Variants in HSPA4L observed in about 807,000 individuals in gnomAD.
HSPA4L encodes the protein heat shock 70 kDa protein 4L.
Under a neutral mutation model 100.3 loss-of-function variants are expected in HSPA4L, and 48 were observed. The observed-to-expected ratio is 0.48, with a 90% CI of 0.38 to 0.61. The LOEUF (loss-of-function observed/expected upper bound fraction) is 0.61. Among genes scored for constraint, HSPA4L ranks in the 20% least tolerant of loss-of-function variants. The probability of loss-of-function intolerance (pLI) is 0.00; values close to 1 mark genes in which losing one functional copy is unlikely to be tolerated. For missense variants in HSPA4L, 886 were observed against 988.6 expected (o/e 0.90, Z 1.39); for synonymous variants, 319 against 328.2 (o/e 0.97, Z 0.30).
At chr4:127,816,578 C>A in intron 12 of HSPA4L, among the ~76,000 whole-genome samples, 1 of 151,972 alleles carries the variant, frequency 6.6e-6, no homozygotes. Context: ...GGAAGGAATA[C>A]GAGTCCTGGT....
intron 9 of HSPA4L, 37 bp downstream of exon 9, chr4:127,805,261 T>A (rs1733319695): frequency 6.5e-7 from 1 of 1,530,548 alleles, no homozygotes; most frequent in South Asian, 1.2e-5. Flanking sequence ...ATATGTATTT[T>A]GCCAGAAATG....
intron 17 of HSPA4L, 49 bp downstream of exon 17, chr4:127,827,473 A>G (rs1733976941): frequency 6.2e-7 from 1 of 1,603,130 alleles, no homozygotes; most frequent in Non-Finnish European, 8.5e-7. Context: ...TGCATGGTAC[A>G]TAGAATGGGG....
chr4:127,796,275 A>G (rs1459544591), intron 3 of HSPA4L, among the ~76,000 whole-genome samples: 1 of 152,172 alleles, frequency 6.6e-6, no homozygotes, highest in East Asian at 1.9e-4. Context: ...TCTAATTTAG[A>G]AGAATCTTAT....
At position 127,836,512 on chromosome 4, in the gene HSPA4L, T is replaced by TAGACTTTTTTTGGG. The variant is rs1734216699; in HGVS notation, c.*3641_*3654dup. On this transcript the variant is annotated 3_prime_UTR_variant, in exon 19 of 19. Transcript: ENST00000296464. ...AGAGCTAAAAGAAGTAAAGGTTTCT[T>TAGACTTTTTTTGGG]AGACTTTTTTTGGGAGGGAGGCGTC... 6.6e-6 allele frequency: 1 copy of TAGACTTTTTTTGGG among 152,108 alleles called. No homozygotes were observed. The highest frequency in any genetic ancestry group is 2.4e-5 in the African/African-American group (1 of 41,424). 9.4% of individuals were successfully genotyped at this position (152,108 alleles called of 1,614,324 possible).
At chr4:127,824,908 G>C (rs1245097674) in intron 16 of HSPA4L, among the ~76,000 whole-genome samples, 1 of 152,110 alleles carries the variant, frequency 6.6e-6, no homozygotes, top group South Asian at 2.1e-4. Flanking sequence ...AGGCCGAGGC[G>C]GGCGGATCAC....
intron 11 of HSPA4L, among the ~76,000 whole-genome samples, 195 bp downstream of exon 11, chr4:127,808,324 C>T (rs561392343): frequency 6.6e-6 from 1 of 152,098 alleles, no homozygotes; most frequent in African/African-American, 2.4e-5. Flanking sequence ...TTACTGCAGT[C>T]GGCCCTCAGT....
At chr4:127,830,420 T>C (rs1290942191) in intron 17 of HSPA4L, among the ~76,000 whole-genome samples, 2 of 152,204 alleles carry the variant, frequency 1.3e-5, no homozygotes, top group South Asian at 2.1e-4. Context: ...TTCCCAAACC[T>C]GATTTCTTCA....
At chr4:127,825,557 A>G (rs1315652715) in intron 16 of HSPA4L, among the ~76,000 whole-genome samples, 2 of 152,064 alleles carry the variant, frequency 1.3e-5, no homozygotes, top group Non-Finnish European at 2.9e-5. Flanking sequence ...TAATTAGAAA[A>G]CCTAAGTTTA....
chr4:127,812,049 G>A (rs1733544946), intron 12 of HSPA4L, among the ~76,000 whole-genome samples: 2 of 151,978 alleles, frequency 1.3e-5, no homozygotes, highest in Admixed American at 6.6e-5. Flanking sequence ...TAATTTTTCA[G>A]GGTTTATTTG....
rs1307052166 is a variant in HSPA4L at position 127,837,349 on chromosome 4, CTG to C, written c.*4477_*4478del. 6.6e-6 allele frequency: 1 copy of C among 152,192 alleles called. No homozygotes were observed. The highest frequency in any genetic ancestry group is 1.5e-5 in the Non-Finnish European group (1 of 68,038). 9.4% of individuals were successfully genotyped at this position (152,192 alleles called of 1,614,324 possible). On this transcript the variant is annotated 3_prime_UTR_variant, in exon 19 of 19. Coordinates refer to ENST00000296464, the MANE Select transcript of HSPA4L (RefSeq NM_014278.4). The stretch of plus-strand genomic sequence containing the variant: ...GTTTTGTGATATTTTATTGTATAAA[CTG>C]TTAATGAGAGGCACAGCTAATTGTA...
chr4:127,782,455 G>A lies in HSPA4L; in HGVS notation c.-96G>A. ...TTGGGGTCCCCTCTCGTTTGCTTCT[G>A]GTAGGAGTCGCAATCCCAGCAGCAA... On this transcript the variant is annotated 5_prime_UTR_variant, in exon 1 of 19. Transcript: ENST00000296464. 1 of 991,202 alleles carries A rather than the reference G, an allele frequency of 1.0e-6. No homozygotes were observed. 61.4% of individuals were successfully genotyped at this position (991,202 alleles called of 1,614,324 possible).
intron 16 of HSPA4L, 117 bp from the exon 17 acceptor site, chr4:127,827,188 G>A: frequency 1.3e-6 from 1 of 769,676 alleles, no homozygotes; most frequent in African/African-American, 1.8e-5. Flanking sequence ...AAATAAGAGG[G>A]GATATATTTT....
intron 16 of HSPA4L, among the ~76,000 whole-genome samples, chr4:127,826,406 A>T (rs1733951761): frequency 1.1e-4 from 16 of 152,312 alleles, no homozygotes; most frequent in Admixed American, 9.8e-4. Context: ...CAATGGAAAA[A>T]AAAAATGCAG....
intron 3 of HSPA4L, among the ~76,000 whole-genome samples, chr4:127,796,168 A>T (rs2148780498): frequency 6.6e-6 from 1 of 152,244 alleles, no homozygotes; most frequent in Non-Finnish European, 1.5e-5. Flanking sequence ...ATAAAAATGA[A>T]GGTATATAGG....
intron 12 of HSPA4L, among the ~76,000 whole-genome samples, chr4:127,813,790 G>A (rs1049536986): frequency 2.0e-5 from 3 of 152,108 alleles, no homozygotes; most frequent in Non-Finnish European, 4.4e-5. Context: ...CTACAGGCAT[G>A]TGCCACCACG....
intron 18 of HSPA4L, 58 bp downstream of exon 18, chr4:127,830,857 G>A (rs1021034938): frequency 1.3e-5 from 14 of 1,081,198 alleles, no homozygotes; most frequent in Non-Finnish European, 1.8e-5. Flanking sequence ...TTTTTAATGA[G>A]AGTCATACTT....
chr4:127,825,926 CAAAAAAAA>C (rs78623521), intron 16 of HSPA4L, among the ~76,000 whole-genome samples: 8 of 57,232 alleles, frequency 1.4e-4, no homozygotes, highest in Non-Finnish European at 1.4e-4. Flanking sequence ...AACTCCATCT[CAAAAAAAA>C]AAAAAAAAAA....
rs1489568456 is a variant in HSPA4L, at chr4:127,837,118, T to C, written c.*4244T>C. 2 of 152,158 alleles carry C rather than the reference T, an allele frequency of 1.3e-5. No individual in the cohort carries two copies. Among genetic ancestry groups the C allele is most frequent in the African/African-American group, 4.8e-5 (2 of 41,400 alleles). 9.4% of individuals were successfully genotyped at this position (152,158 alleles called of 1,614,324 possible). A position where few individuals can be genotyped will look rare whatever the true frequency, so the allele number is the denominator to read the frequency against. On this transcript the variant is annotated 3_prime_UTR_variant, in exon 19 of 19. Coordinates refer to ENST00000296464, the MANE Select transcript of HSPA4L (RefSeq NM_014278.4). ...ACACCACACCCAGCTAATTTTTGTA[T>C]TTTTATAGAGATGGAGTTTTGCCAT... is the stretch of plus-strand genomic sequence containing the variant.
At chr4:127,788,657 G>T (rs1454957832) in intron 1 of HSPA4L, among the ~76,000 whole-genome samples, 1 of 152,190 alleles carries the variant, frequency 6.6e-6, no homozygotes, top group African/African-American at 2.4e-5. Context: ...CCTCTGAAGG[G>T]ATAACTGACA....
Sources: allele counts gnomAD v4.1 joint callset (sites outside exome capture counted in the v4.1 genomes callset), GRCh38; gene constraint gnomAD v4.1.1; transcripts MANE v1.5; gene names NCBI Gene and HGNC (gene_info 2026-07-23, HGNC 2026-07-21).